CBR4: variants seen among roughly 807,000 people sequenced by gnomAD.
The protein encoded by CBR4 is carbonyl reductase 4, also known as 3-oxoacyl-[acyl-carrier-protein] reductase.
In CBR4, 22 loss-of-function variants were observed where a neutral mutation model predicts 21.0. The observed-to-expected ratio is 1.05, with a 90% CI of 0.75 to 1.50. The LOEUF (loss-of-function observed/expected upper bound fraction) is 1.50. Among genes scored for constraint, CBR4 ranks in the 40% most tolerant of loss-of-function variants. The pLI is 0.00. For missense variants in CBR4, 302 were observed against 286.3 expected (o/e 1.05, Z -0.40); for synonymous variants, 100 against 104.4 (o/e 0.96, Z 0.26).
chr4:168,915,811 G>A, intron 2 of CBR4: 4 of 1,038,328 alleles, frequency 3.9e-6, no homozygotes, highest in Non-Finnish European at 6.0e-6. Context: ...ATTACCCCAT[G>A]TATTTTAAGA....
intron 2 of CBR4, among the ~76,000 whole-genome samples, chr4:168,937,508 C>T (rs1763145837): frequency 6.6e-6 from 1 of 152,006 alleles, no homozygotes; most frequent in African/African-American, 2.4e-5. Flanking sequence ...TTAAAAGACA[C>T]AGACTGGCAA....
chr4:168,945,820 A>AT (rs1265476187), intron 2 of CBR4, among the ~76,000 whole-genome samples: 5 of 152,178 alleles, frequency 3.3e-5, no homozygotes, highest in African/African-American at 1.2e-4. Flanking sequence ...TTTTGTGTTT[A>AT]TTTTTTAAAG....
At chr4:168,934,304 AG>A (rs1763050123) in intron 2 of CBR4, among the ~76,000 whole-genome samples, 1 of 133,972 alleles carries the variant, frequency 7.5e-6, no homozygotes. Flanking sequence ...AAAAAAAAAA[AG>A]CAAGCCAAAC....
At chr4:168,981,814 A>G (rs1764554168) in intron 2 of CBR4, among the ~76,000 whole-genome samples, 1 of 152,234 alleles carries the variant, frequency 6.6e-6, no homozygotes, top group Admixed American at 6.5e-5. Context: ...AGCCAAACTA[A>G]GCTTCATAAG....
intron 2 of CBR4, among the ~76,000 whole-genome samples, chr4:168,901,356 C>T (rs1333070294): frequency 6.6e-6 from 1 of 152,164 alleles, no homozygotes; most frequent in Non-Finnish European, 1.5e-5. Flanking sequence ...ACCCTGTTCT[C>T]GTGCTTGTGC....
intron 2 of CBR4, among the ~76,000 whole-genome samples, chr4:168,969,148 C>A (rs1764130067): frequency 6.6e-6 from 1 of 152,190 alleles, no homozygotes; most frequent in Non-Finnish European, 1.5e-5. Context: ...AGATTCCTTT[C>A]TCCAGTGTAC....
intron 2 of CBR4, among the ~76,000 whole-genome samples, chr4:168,912,883 G>T (rs10009718): frequency 6.6e-6 from 1 of 151,764 alleles, no homozygotes; most frequent in Non-Finnish European, 1.5e-5. Flanking sequence ...CCACCACCCC[G>T]TCAAAATTTC....
chr4:168,933,983 C>A (rs1389353336), intron 2 of CBR4, among the ~76,000 whole-genome samples: 2 of 152,044 alleles, frequency 1.3e-5, no homozygotes, highest in African/African-American at 4.8e-5. Flanking sequence ...AGAAACACAA[C>A]ATACCAAACC....
At chr4:168,904,190 G>A in intron 2 of CBR4, 1 of 393,832 alleles carries the variant, frequency 2.5e-6, no homozygotes. Context: ...GTGGTAGACT[G>A]GACAAAGTCC....
chr4:168,999,215 T>C (rs555879691), intron 4 of CBR4, among the ~76,000 whole-genome samples: 3 of 152,222 alleles, frequency 2.0e-5, no homozygotes, highest in Non-Finnish European at 2.9e-5. Context: ...CTTTTCCTGT[T>C]ATAATTTGCT....
At chr4:168,924,253 A>C in intron 2 of CBR4, 2 of 1,613,280 alleles carry the variant, frequency 1.2e-6, no homozygotes, top group Non-Finnish European at 1.7e-6. Context: ...ATGTTTTCTT[A>C]GCTAAAGAAG....
chr4:168,986,496 C>G (rs1764696027), downstream of CBR4, among the ~76,000 whole-genome samples: 1 of 152,162 alleles, frequency 6.6e-6, no homozygotes. Context: ...CTGCTTGACC[C>G]CACCATACTG....
At chr4:168,961,176 TC>T (rs1324185591) in intron 2 of CBR4, among the ~76,000 whole-genome samples, 7 of 152,214 alleles carry the variant, frequency 4.6e-5, no homozygotes, top group Non-Finnish European at 8.8e-5. Context: ...TGGCACTAAC[TC>T]TGAGACATAA....
intron 2 of CBR4, among the ~76,000 whole-genome samples, chr4:168,959,567 T>C (rs967430796): frequency 1.8e-4 from 26 of 148,462 alleles, no homozygotes; most frequent in Admixed American, 3.3e-4. Flanking sequence ...ATTTCTTTTT[T>C]TTTTTTTTTT....
intron 2 of CBR4, among the ~76,000 whole-genome samples, chr4:168,920,142 C>T (rs957617184): frequency 2.0e-5 from 3 of 152,234 alleles, no homozygotes; most frequent in African/African-American, 7.2e-5. Flanking sequence ...TCTTCCTCCA[C>T]ACCACTTCTG....
chr4:168,976,767 C>A (rs1036346462), intron 2 of CBR4, among the ~76,000 whole-genome samples: 1 of 152,184 alleles, frequency 6.6e-6, no homozygotes, highest in Non-Finnish European at 1.5e-5. Context: ...TGTATTGTCA[C>A]AAAGTCAATT....
At chr4:168,955,231 A>G (rs1030474227) in intron 2 of CBR4, among the ~76,000 whole-genome samples, 2 of 152,204 alleles carry the variant, frequency 1.3e-5, no homozygotes, top group African/African-American at 4.8e-5. Context: ...CCTCTTCCTT[A>G]CTGAGAAGTC....
In CBR4 at chr4:168,988,896, T is replaced by C; in HGVS notation, c.*1254A>G. On this transcript the variant is annotated 3_prime_UTR_variant, in exon 5 of 5. Coordinates refer to ENST00000306193, the MANE Select transcript of CBR4 (RefSeq NM_032783.5). ...CACTGACTTTCAATATAAAATTAAA[T>C]CTCTGCTTACACAAAATAACTGTCA... 2 of 979,348 alleles carry C rather than the reference T, an allele frequency of 2.0e-6. No homozygotes were observed. Among genetic ancestry groups the C allele is most frequent in the Non-Finnish European group, 2.4e-6 (2 of 824,402 alleles). The allele number at this position is 979,348 out of a possible 1,614,324, so 60.7% of individuals were successfully genotyped here.
chr4:168,965,752 A>C (rs1276993743), intron 2 of CBR4, among the ~76,000 whole-genome samples: 1 of 152,264 alleles, frequency 6.6e-6, no homozygotes, highest in Non-Finnish European at 1.5e-5. Flanking sequence ...AAATTAACTC[A>C]AGATGGATTA....
Sources: allele counts gnomAD v4.1 joint callset (sites outside exome capture counted in the v4.1 genomes callset), GRCh38; gene constraint gnomAD v4.1.1; transcripts MANE v1.5; gene names NCBI Gene and HGNC (gene_info 2026-07-23, HGNC 2026-07-21).